ZC3H15: variants seen among roughly 807,000 people sequenced by gnomAD.
ZC3H15 encodes zinc finger CCCH-type containing 15.
Under a neutral mutation model 51.2 loss-of-function variants are expected in ZC3H15, and 15 were observed. The observed-to-expected ratio is 0.29, with a 90% confidence interval of 0.20 to 0.45. ZC3H15 has a LOEUF of 0.45. ZC3H15 is among the 20% of genes least tolerant of loss of function. The pLI, the probability that ZC3H15 is intolerant of heterozygous loss-of-function variation, is 1.00. For synonymous variants in ZC3H15, 144 were observed against 162.8 expected, an observed-to-expected ratio of 0.88 and a Z score of 0.88; for missense variants, 381 against 494.7, an observed-to-expected ratio of 0.77 and a Z score of 2.18.
At chr2:186,486,616 G>GCT (rs200483702) in intron 1 of ZC3H15, among the ~76,000 whole-genome samples, 159 bp downstream of exon 1, 102 of 80,828 alleles carry the variant, frequency 1.3e-3, no homozygotes, top group African/African-American at 4.1e-3. Context: ...GATGACGCTA[G>GCT]CTCTCTCATT....
chr2:186,502,291 G>C (rs1383060803), intron 4 of ZC3H15, among the ~76,000 whole-genome samples: 1 of 152,052 alleles, frequency 6.6e-6, no homozygotes, highest in Non-Finnish European at 1.5e-5. Context: ...AATCAAGGCT[G>C]ATTGAGGGAG....
At position 186,508,793 on chromosome 2, in the gene ZC3H15, T is replaced by G; in HGVS notation, c.*60T>G. 1 of 1,524,208 alleles carries G rather than the reference T, an allele frequency of 6.6e-7. No individual in the cohort carries two copies. The highest frequency in any genetic ancestry group is 9.0e-7 in the Non-Finnish European group (1 of 1,109,124). 94.4% of individuals were successfully genotyped at this position (1,524,208 alleles called of 1,614,324 possible). On this transcript the variant is annotated 3_prime_UTR_variant, in exon 10 of 10. Coordinates refer to ENST00000337859, the MANE Select transcript of ZC3H15 (RefSeq NM_018471.3). ...CAGCACGAGTTGAAATTGACTACATTAATTTCTTTCCACCTAGAATCAACA... is the reference window on the plus strand; with the variant it reads ...CAGCACGAGTTGAAATTGACTACATGAATTTCTTTCCACCTAGAATCAACA...
intron 8 of ZC3H15, 146 bp downstream of exon 8, chr2:186,505,987 C>T (rs1305983491): frequency 1.3e-6 from 1 of 781,214 alleles, no homozygotes; most frequent in Non-Finnish European, 2.2e-6. Flanking sequence ...TAATCTAGGC[C>T]TCCACCCTCA....
chr2:186,500,325 T>C, intron 3 of ZC3H15, 32 bp downstream of exon 3: 2 of 1,521,674 alleles, frequency 1.3e-6, no homozygotes, highest in Non-Finnish European at 1.8e-6. Context: ...TGTGATTTTT[T>C]ATCAAATGTA....
At chr2:186,493,707 G>C (rs1685234949) in intron 1 of ZC3H15, among the ~76,000 whole-genome samples, 1 of 151,886 alleles carries the variant, frequency 6.6e-6, no homozygotes. Flanking sequence ...TCTGAAGACT[G>C]TAGGGAAGAA....
At chr2:186,502,378 GA>G (rs1268889372) in intron 4 of ZC3H15, 117 bp from the exon 5 acceptor site, 36 of 844,936 alleles carry the variant, frequency 4.3e-5, no homozygotes, top group Non-Finnish European at 6.1e-5. Flanking sequence ...TCAACAAAAA[GA>G]AAAAGAAAAA....
rs772382767 is a variant in ZC3H15 at position 186,508,689 on chromosome 2, G to A, written c.1237G>A (p.Asp413Asn). ...AAATCTTTTCACTGGAGAGGATTTG[G>A]ATGAACTAGAAGAAGAATTAAATAC... ...DENLFTGEDLDELEEELNTLD... is the reference protein window; with the variant it reads ...DENLFTGEDLNELEEELNTLD... Residue 413 changes from aspartate (D) to asparagine (N), a missense_variant, in exon 10 of 10, where the codon GAT (aspartate) becomes AAT (asparagine). Coordinates refer to ENST00000337859, the MANE Select transcript of ZC3H15 (RefSeq NM_018471.3). The A allele has an allele frequency of 6.2e-7, 1 of 1,614,032 alleles. No individual in the cohort carries two copies. The highest frequency in any genetic ancestry group is 1.1e-5 in the South Asian group (1 of 91,078).
intron 3 of ZC3H15, among the ~76,000 whole-genome samples, chr2:186,500,821 C>G (rs998506282): frequency 9.9e-5 from 15 of 152,098 alleles, no homozygotes; most frequent in African/African-American, 3.6e-4. Flanking sequence ...ATTACAGGCA[C>G]GCACTACCAC....
chr2:186,491,366 T>C (rs909845518), intron 1 of ZC3H15, among the ~76,000 whole-genome samples: 4 of 152,158 alleles, frequency 2.6e-5, no homozygotes, highest in Admixed American at 1.3e-4. Flanking sequence ...TACTAGCTCC[T>C]TTGATTCTCT....
chr2:186,487,880 T>A lies in ZC3H15; in HGVS notation c.75+1423T>A, dbSNP rs575229050. Among the ~76,000 whole-genome samples, 4 of 152,354 alleles carry A rather than the reference T, an allele frequency of 2.6e-5. No individual in the cohort carries two copies. In the South Asian group the frequency reaches 8.3e-4, roughly 32 times the overall value. On this transcript the variant is annotated intron_variant, in intron 1 of 9. Transcript: ENST00000337859. ...CTTTCTCTATATCTAATTGTTTTAT[T>A]TTTAATTAGTAGGACTAGTATTCTT...
intron 1 of ZC3H15, among the ~76,000 whole-genome samples, chr2:186,489,907 G>A (rs539787087): frequency 2.6e-5 from 4 of 152,270 alleles, no homozygotes; most frequent in East Asian, 1.9e-4. Flanking sequence ...GCTAGTTCCC[G>A]TGAGTTAAAT....
intron 9 of ZC3H15, 94 bp downstream of exon 9, chr2:186,506,930 C>T: frequency 7.5e-7 from 1 of 1,326,684 alleles, no homozygotes; most frequent in East Asian, 2.3e-5. Context: ...GTGCAGGTAC[C>T]AGATTGGTAA....
intron 4 of ZC3H15, among the ~76,000 whole-genome samples, chr2:186,502,019 A>G (rs151028339): frequency 2.1e-3 from 314 of 151,992 alleles, no homozygotes; most frequent in African/African-American, 7.3e-3. Flanking sequence ...TTGGTGAATA[A>G]TCTTAAAACT....
intron 5 of ZC3H15, among the ~76,000 whole-genome samples, chr2:186,502,886 C>T (rs1044184208): frequency 9.9e-5 from 15 of 152,012 alleles, no homozygotes; most frequent in African/African-American, 3.6e-4. Flanking sequence ...GACAAAAATC[C>T]CTATTTTTTT....
intron 2 of ZC3H15, among the ~76,000 whole-genome samples, chr2:186,497,506 C>G (rs1287803336): frequency 6.6e-6 from 1 of 152,156 alleles, no homozygotes; most frequent in Admixed American, 6.5e-5. Context: ...GTGAATCTTC[C>G]TATCTTTTTT....
intron 1 of ZC3H15, among the ~76,000 whole-genome samples, chr2:186,489,488 G>A (rs1345273821): frequency 6.6e-6 from 1 of 152,056 alleles, no homozygotes; most frequent in African/African-American, 2.4e-5. Flanking sequence ...AGTCTATTTT[G>A]ACATATAAAG....
intron 6 of ZC3H15, 149 bp downstream of exon 6, chr2:186,504,363 T>G (rs1559012377): frequency 3.2e-6 from 2 of 618,852 alleles, no homozygotes; most frequent in Non-Finnish European, 5.0e-6. Context: ...TAATTATTCT[T>G]GTATGTGTAA....
chr2:186,499,241 A>G (rs1685337425), intron 2 of ZC3H15, among the ~76,000 whole-genome samples: 2 of 152,086 alleles, frequency 1.3e-5, no homozygotes, highest in African/African-American at 2.4e-5. Context: ...TCCATCCTCT[A>G]CAAAACTTGC....
chr2:186,495,109 GT>G lies in ZC3H15; in HGVS notation c.76-120del. ...ATATTGCCTTGACTTGATGTTTAGT[GT>G]TTTGCATGTTTTTATATTAGTAAAG... On this transcript the variant is annotated intron_variant, in intron 1 of 9. Transcript: ENST00000337859. The G allele has an allele frequency of 7.1e-6, 4 of 561,822 alleles. No homozygotes were observed. The South Asian group carries it at 9.1e-5, about 13-fold the overall frequency. The allele number at this position is 561,822 out of a possible 1,614,324, so 34.8% of individuals were successfully genotyped here.
Sources: allele counts gnomAD v4.1 joint callset (sites outside exome capture counted in the v4.1 genomes callset), GRCh38; gene constraint gnomAD v4.1.1; transcripts MANE v1.5; gene names NCBI Gene and HGNC (gene_info 2026-07-23, HGNC 2026-07-21).